Variants in PMEPA1 observed in about 807,000 individuals in gnomAD.
The protein encoded by PMEPA1 is protein TMEPAI.
In PMEPA1, 11 loss-of-function variants were observed where a neutral mutation model predicts 23.0. The ratio of observed to expected loss-of-function variants is 0.48; its 90% CI spans 0.30 to 0.79. The LOEUF (loss-of-function observed/expected upper bound fraction) is 0.79. Among genes scored for constraint, PMEPA1 ranks in the 30% least tolerant of loss-of-function variants. The pLI, the probability that PMEPA1 is intolerant of heterozygous loss-of-function variation, is 0.06. For missense variants in PMEPA1, 377 were observed against 390.9 expected (o/e 0.96, Z 0.30); for synonymous variants, 204 against 166.4 (o/e 1.23, Z -1.74).
Position 57,707,645 on chromosome 20 carries a change from C to T in PMEPA1, c.109+1829G>A, listed in dbSNP as rs1001319627. 5.6e-3 allele frequency among the ~76,000 whole-genome samples: 770 copies of T among 137,206 alleles called. 4 individuals carry two copies. Among genetic ancestry groups the T allele is most frequent in the Non-Finnish European group, 9.1e-3 (567 of 62,622 alleles). The allele number at this position is 137,206 out of a possible 152,430, so 90.0% of individuals were successfully genotyped here. On this transcript the variant is annotated intron_variant, in intron 1 of 3. Coordinates refer to ENST00000341744, the MANE Select transcript of PMEPA1 (RefSeq NM_020182.5). ...AGAAAGGACAGAAATAAGAACAATGCTTTTTTTTTTTTTTTTTAAGTCCTG... is the reference window on the plus strand; with the variant it reads ...AGAAAGGACAGAAATAAGAACAATGTTTTTTTTTTTTTTTTTTAAGTCCTG...
intron 1 of PMEPA1, among the ~76,000 whole-genome samples, chr20:57,708,474 T>C (rs1403436850): frequency 6.6e-6 from 1 of 152,194 alleles, no homozygotes; most frequent in Non-Finnish European, 1.5e-5. Flanking sequence ...CTTACTTATC[T>C]GAACTTTTGG....
chr20:57,651,019 G>A lies in PMEPA1; in HGVS notation c.*1034C>T, dbSNP rs938985786. 19 of 152,192 alleles carry A rather than the reference G, an allele frequency of 1.2e-4. No individual in the cohort carries two copies. Among genetic ancestry groups the A allele is most frequent in the African/African-American group, 4.3e-4 (18 of 41,432 alleles). 9.4% of individuals were successfully genotyped at this position (152,192 alleles called of 1,614,324 possible). On this transcript the variant is annotated 3_prime_UTR_variant, in exon 4 of 4. Transcript: ENST00000341744. ...TGAGGGGCACCATGCTCCACCCCAC[G>A]GGGACCTTCACAGTTGGAAAAAAGA...
At chr20:57,667,655 C>A (rs1165516053) in intron 1 of PMEPA1, among the ~76,000 whole-genome samples, 11 of 152,236 alleles carry the variant, frequency 7.2e-5, no homozygotes, top group Non-Finnish European at 1.5e-4. Flanking sequence ...CCTGGCCGCA[C>A]ACCGAGGAAT....
In PMEPA1 at chr20:57,683,734, G is replaced by T. The variant is rs2071759269; in HGVS notation, c.110-24037C>A. ...GTCACCCCACTTCCCCACTCCGCGG[G>T]GAAATTTACAGGCTTCCAGGCTGCC... On this transcript the variant is annotated intron_variant, in intron 1 of 3. Coordinates refer to ENST00000341744, the MANE Select transcript of PMEPA1 (RefSeq NM_020182.5). The surrounding 1 kb of genome is among the most constrained non-coding windows in gnomAD (Gnocchi z 4.3). Among the ~76,000 whole-genome samples the T allele has an allele frequency of 6.6e-6, 1 of 151,896 alleles. No individual in the cohort carries two copies. Among genetic ancestry groups the T allele is most frequent in the Non-Finnish European group, 1.5e-5 (1 of 67,996 alleles).
rs778492572 is a variant in PMEPA1 at position 57,659,532 on chromosome 20, G to A, written c.264+11C>T. On this transcript the variant is annotated intron_variant, in intron 2 of 3. Transcript: ENST00000341744. ...ACCCTCAGGCCACAGATGGGATGGCGGGGCACTTACTGAGGACAGGGCATC... is the reference window on the plus strand; with the variant it reads ...ACCCTCAGGCCACAGATGGGATGGCAGGGCACTTACTGAGGACAGGGCATC... 23 of 1,612,456 alleles carry A rather than the reference G, an allele frequency of 1.4e-5. No homozygotes were observed. Among genetic ancestry groups the A allele is most frequent in the African/African-American group, 6.7e-5 (5 of 74,908 alleles).
At chr20:57,694,916 G>C (rs2071926248) in intron 1 of PMEPA1, among the ~76,000 whole-genome samples, 1 of 152,216 alleles carries the variant, frequency 6.6e-6, no homozygotes, top group Non-Finnish European at 1.5e-5. Context: ...ACTGTGACCT[G>C]GTATCCCGGT....
At chr20:57,684,296 T>C (rs1038396261) in intron 1 of PMEPA1, among the ~76,000 whole-genome samples, 2 of 143,690 alleles carry the variant, frequency 1.4e-5, no homozygotes, top group Non-Finnish European at 3.0e-5. Context: ...GGGGTCTAGC[T>C]GGGAGGGGGG....
Position 57,704,900 on chromosome 20 carries a change from C to A in PMEPA1, c.109+4574G>T, listed in dbSNP as rs1242714307. Among the ~76,000 whole-genome samples, 1 of 152,196 alleles carries A rather than the reference C, an allele frequency of 6.6e-6. No homozygotes were observed. The highest frequency in any genetic ancestry group is 1.5e-5 in the Non-Finnish European group (1 of 68,042). ...CAACTCTGCTGTAGACGCTTCCAGC[C>A]TCCACAGACCTCCCGACGGCCTCCC... is the stretch of plus-strand genomic sequence containing the variant. On this transcript the variant is annotated intron_variant, in intron 1 of 3. Transcript: ENST00000341744. This position sits in a 1 kb window ranked among gnomAD's most constrained non-coding sequence, Gnocchi z 4.6.
chr20:57,676,733 G>A (rs779169067), intron 1 of PMEPA1, among the ~76,000 whole-genome samples: 28 of 152,158 alleles, frequency 1.8e-4, no homozygotes, highest in African/African-American at 5.8e-4. Flanking sequence ...CCCCCATGAC[G>A]AGAGGCCTCC....
intron 1 of PMEPA1, chr20:57,699,942 C>T (rs1245986365): frequency 4.5e-6 from 2 of 447,522 alleles, no homozygotes; most frequent in Non-Finnish European, 9.3e-6. Flanking sequence ...CCGCGTTTTA[C>T]ATATATCATA....
At chr20:57,706,421 C>T (rs1395114435) in intron 1 of PMEPA1, among the ~76,000 whole-genome samples, 2 of 152,218 alleles carry the variant, frequency 1.3e-5, no homozygotes, top group Non-Finnish European at 2.9e-5. Flanking sequence ...GCAAGGCTGT[C>T]ACTCGTGCTG....
Position 57,682,588 on chromosome 20 carries a change from C to T in PMEPA1, c.110-22891G>A, listed in dbSNP as rs1198019011. The stretch of plus-strand genomic sequence containing the variant: ...TGCCCACCGCCCCACACCTGGAAGA[C>T]GAAAGGACACGAGAAGGAGAGGCAC... On this transcript the variant is annotated intron_variant, in intron 1 of 3. Transcript: ENST00000341744. This position sits in a 1 kb window ranked among gnomAD's most constrained non-coding sequence, Gnocchi z 4.4. 3.9e-5 allele frequency among the ~76,000 whole-genome samples: 6 copies of T among 152,038 alleles called. No individual in the cohort carries two copies. The highest frequency in any genetic ancestry group is 2.1e-4 in the South Asian group (1 of 4,818).
chr20:57,659,171 G>A (rs908737185), intron 2 of PMEPA1, among the ~76,000 whole-genome samples: 81 of 126,876 alleles, frequency 6.4e-4, no homozygotes, highest in African/African-American at 2.8e-3. Context: ...ACCACTGGGC[G>A]TCTCATCTCC....
chr20:57,709,779 GC>G lies in PMEPA1; in HGVS notation c.-198del, dbSNP rs978933253. On this transcript the variant is annotated 5_prime_UTR_variant, in exon 1 of 4. Coordinates refer to ENST00000341744, the MANE Select transcript of PMEPA1 (RefSeq NM_020182.5). ...AGTGCGCGGGACCGCGCTCCGCTGC[GC>G]CCCCCCGGCCTCCCCTCGGCAGCCC... is the stretch of plus-strand genomic sequence containing the variant. 1.8e-5 allele frequency: 18 copies of G among 980,676 alleles called. No individual in the cohort carries two copies. In the Admixed American group the frequency reaches 1.9e-4, roughly 10 times the overall value. 60.7% of individuals were successfully genotyped at this position (980,676 alleles called of 1,614,324 possible).
chr20:57,667,304 T>C (rs1281256755), intron 1 of PMEPA1, among the ~76,000 whole-genome samples: 2 of 152,218 alleles, frequency 1.3e-5, no homozygotes, highest in Non-Finnish European at 1.5e-5. Context: ...TTCAGATCCC[T>C]GTTGGGACGT....
rs1041827841 is a variant in PMEPA1, at chr20:57,655,154, A to G, written c.265-2068T>C. Among the ~76,000 whole-genome samples, 1 of 152,186 alleles carries G rather than the reference A, an allele frequency of 6.6e-6. No homozygotes were observed. Among genetic ancestry groups the G allele is most frequent in the Non-Finnish European group, 1.5e-5 (1 of 68,024 alleles). On this transcript the variant is annotated intron_variant, in intron 2 of 3. Coordinates refer to ENST00000341744, the MANE Select transcript of PMEPA1 (RefSeq NM_020182.5). The surrounding 1 kb of genome is among the most constrained non-coding windows in gnomAD (Gnocchi z 4.2). Reference sequence around the variant, plus strand: ...ATACAGTGTGTTCTGCAAGGTGCCCAGTGAACACAGACTCTCACGTCTTGC... The same window carrying G: ...ATACAGTGTGTTCTGCAAGGTGCCCGGTGAACACAGACTCTCACGTCTTGC...
At chr20:57,709,097 G>T (rs868262766) in intron 1 of PMEPA1, among the ~76,000 whole-genome samples, 3 of 150,860 alleles carry the variant, frequency 2.0e-5, no homozygotes, top group African/African-American at 7.3e-5. Context: ...CTCCACCCCC[G>T]CCCAAAGTTG....
At chr20:57,690,317 C>T (rs1396889464) in intron 1 of PMEPA1, 3 of 794,844 alleles carry the variant, frequency 3.8e-6, no homozygotes, top group Non-Finnish European at 3.8e-6. Context: ...TGCACCCACC[C>T]CCACCACTGC....
chr20:57,709,374 G>C (rs903253076), intron 1 of PMEPA1, 100 bp downstream of exon 1: 1 of 870,374 alleles, frequency 1.1e-6, no homozygotes, highest in Non-Finnish European at 1.4e-6. Context: ...CGTTCGGTCC[G>C]AGGGGGCGCG....
Sources: gnomAD v4.1 joint callset for allele counts (sites outside exome capture counted in the v4.1 genomes callset) on GRCh38, gnomAD v4.1.1 for gene constraint, Gnocchi (gnomAD v3.1) non-coding constraint, MANE v1.5 for transcripts, NCBI Gene and HGNC (gene_info 2026-07-23, HGNC 2026-07-21) for gene names.